The following DSCAM variants were observed in gnomAD, a reference collection of about 807,000 sequenced individuals.
DSCAM encodes DS cell adhesion molecule, also known as cell adhesion molecule DSCAM.
In DSCAM, 47 loss-of-function variants were observed where a neutral mutation model predicts 217.7. The observed-to-expected ratio is 0.22, with a 90% CI of 0.17 to 0.28. The LOEUF (loss-of-function observed/expected upper bound fraction) is 0.28. Among genes scored for constraint, DSCAM ranks in the 10% least tolerant of loss-of-function variants. DSCAM has a pLI of 1.00. For synonymous variants in DSCAM, 1,056 were observed against 1,015.3 expected (o/e 1.04, Z -0.76); for missense variants, 2,080 against 2,618.3 (o/e 0.79, Z 4.49).
chr21:40,789,208 T>A (rs7282345), intron 1 of DSCAM, among the ~76,000 whole-genome samples: 1 of 151,244 alleles, frequency 6.6e-6, no homozygotes, highest in African/African-American at 2.4e-5. Context: ...CAGGGAAACA[T>A]TAAGACCTTC....
chr21:40,175,937 G>A (rs1203520585), intron 15 of DSCAM, among the ~76,000 whole-genome samples: 2 of 151,676 alleles, frequency 1.3e-5, no homozygotes, highest in Non-Finnish European at 1.5e-5. Flanking sequence ...ACACACACAA[G>A]GGACAGAATT....
Position 40,427,069 on chromosome 21 carries a change from C to G in DSCAM, c.509-57824G>C, listed in dbSNP as rs184737908. Among the ~76,000 whole-genome samples the G allele has an allele frequency of 1.1e-4, 17 of 152,292 alleles. No individual in the cohort carries two copies. In the East Asian group the frequency reaches 3.3e-3, roughly 29 times the overall value. On this transcript the variant is annotated intron_variant, in intron 3 of 32. Coordinates refer to ENST00000400454, the MANE Select transcript of DSCAM (RefSeq NM_001389.5). ...TTGAGTGTTCTGATTCCAGGCTCAC[C>G]AAGCAACCTTCTGGCCACAGCACTC...
At chr21:40,524,384 T>C (rs1190561884) in intron 3 of DSCAM, among the ~76,000 whole-genome samples, 10 of 152,176 alleles carry the variant, frequency 6.6e-5, no homozygotes, top group Non-Finnish European at 1.3e-4. Context: ...CTTGTCCTTT[T>C]TCTTTGCTTG....
At chr21:40,606,878 G>A (rs1376463814) in intron 3 of DSCAM, among the ~76,000 whole-genome samples, 1 of 152,168 alleles carries the variant, frequency 6.6e-6, no homozygotes, top group African/African-American at 2.4e-5. Flanking sequence ...TTGTGACAAT[G>A]AATAAGTCTC....
At chr21:40,650,251 A>G (rs1346390829) in intron 3 of DSCAM, among the ~76,000 whole-genome samples, 3 of 152,200 alleles carry the variant, frequency 2.0e-5, no homozygotes, top group East Asian at 1.9e-4. Context: ...CACATTTTGC[A>G]TGATGTAGAG....
At chr21:40,318,774 G>A (rs1251628329) in intron 8 of DSCAM, among the ~76,000 whole-genome samples, 1 of 152,150 alleles carries the variant, frequency 6.6e-6, no homozygotes, top group Admixed American at 6.5e-5. Flanking sequence ...AAAGAAACCA[G>A]AGGCTGCGTG....
intron 1 of DSCAM, among the ~76,000 whole-genome samples, chr21:40,756,886 C>T (rs1015583152): frequency 6.6e-6 from 1 of 151,962 alleles, no homozygotes; most frequent in Admixed American, 6.6e-5. Flanking sequence ...GGTAGTATTG[C>T]AAGCCAGACG....
At chr21:40,667,661 T>C (rs565884705) in intron 3 of DSCAM, among the ~76,000 whole-genome samples, 1 of 152,126 alleles carries the variant, frequency 6.6e-6, no homozygotes, top group South Asian at 2.1e-4. Flanking sequence ...ATTCTCGTGA[T>C]AGTGAGTGAG....
At chr21:40,782,782 A>G (rs994814699) in intron 1 of DSCAM, among the ~76,000 whole-genome samples, 1 of 152,224 alleles carries the variant, frequency 6.6e-6, no homozygotes, top group Non-Finnish European at 1.5e-5. Context: ...TGCTTTGTAC[A>G]TAGCTGGGAT....
intron 8 of DSCAM, among the ~76,000 whole-genome samples, chr21:40,321,616 CTTT>C (rs548006636): frequency 1.5e-5 from 2 of 136,556 alleles, no homozygotes. Flanking sequence ...ACTGGTCATT[CTTT>C]TTTTTTTTTT....
chr21:40,606,490 T>G (rs934764882), intron 3 of DSCAM, among the ~76,000 whole-genome samples: 2 of 152,230 alleles, frequency 1.3e-5, no homozygotes, highest in African/African-American at 4.8e-5. Context: ...AACACAAATA[T>G]TTGTCAAGTA....
intron 30 of DSCAM, among the ~76,000 whole-genome samples, chr21:40,049,152 A>G (rs761400234): frequency 3.3e-5 from 5 of 152,210 alleles, no homozygotes; most frequent in Admixed American, 6.5e-5. Context: ...ACATTGTTCT[A>G]TAAGCTATAG....
At chr21:40,210,267 C>T (rs1437267400) in intron 11 of DSCAM, among the ~76,000 whole-genome samples, 2 of 152,348 alleles carry the variant, frequency 1.3e-5, no homozygotes, top group Non-Finnish European at 2.9e-5. Flanking sequence ...GACCTCACCC[C>T]TACAAGGGGC....
At chr21:40,606,677 T>C (rs933548524) in intron 3 of DSCAM, among the ~76,000 whole-genome samples, 1 of 152,212 alleles carries the variant, frequency 6.6e-6, no homozygotes, top group African/African-American at 2.4e-5. Flanking sequence ...CCCACTTCTG[T>C]ATGCGAGCTC....
intron 32 of DSCAM, among the ~76,000 whole-genome samples, chr21:40,032,886 C>A (rs1427792668): frequency 1.3e-5 from 2 of 152,192 alleles, no homozygotes; most frequent in African/African-American, 4.8e-5. Context: ...GAGATTGAAG[C>A]CCCAAAAACT....
chr21:40,430,950 C>T (rs1055661503), intron 3 of DSCAM, among the ~76,000 whole-genome samples: 6 of 152,168 alleles, frequency 3.9e-5, no homozygotes, highest in African/African-American at 7.2e-5. Flanking sequence ...AGAGAGAAGC[C>T]GCTACTGAGA....
intron 16 of DSCAM, among the ~76,000 whole-genome samples, chr21:40,147,772 T>C (rs1161573721): frequency 6.6e-6 from 1 of 152,220 alleles, no homozygotes; most frequent in African/African-American, 2.4e-5. Flanking sequence ...TATGATTATA[T>C]TCCCATCTTT....
intron 3 of DSCAM, among the ~76,000 whole-genome samples, chr21:40,426,107 T>C (rs1029554720): frequency 1.3e-5 from 2 of 152,276 alleles, no homozygotes; most frequent in Admixed American, 6.5e-5. Flanking sequence ...TACTACTCCA[T>C]TGGTAGCACT....
chr21:40,472,604 G>A (rs936789340), intron 3 of DSCAM, among the ~76,000 whole-genome samples: 1 of 152,174 alleles, frequency 6.6e-6, no homozygotes, highest in Non-Finnish European at 1.5e-5. Flanking sequence ...ATCATTAGGA[G>A]CTTAGAGCTT....
Sources: gnomAD v4.1 joint callset for allele counts (sites outside exome capture counted in the v4.1 genomes callset) on GRCh38, gnomAD v4.1.1 for gene constraint, MANE v1.5 for transcripts, NCBI Gene and HGNC (gene_info 2026-07-23, HGNC 2026-07-21) for gene names.